BNC2: variants seen among roughly 807,000 people sequenced by gnomAD.
The protein encoded by BNC2 is zinc finger protein basonuclin-2.
BNC2 carries 20 observed loss-of-function variants against 76.3 expected under a neutral mutation model. The observed-to-expected ratio is 0.26, with a 90% CI of 0.18 to 0.38. BNC2 has a LOEUF of 0.38. Among genes scored for constraint, BNC2 ranks in the 10% least tolerant of loss-of-function variants. The pLI is 1.00. For missense variants in BNC2, 1,382 were observed against 1,399.8 expected (o/e 0.99, Z 0.20); for synonymous variants, 582 against 514.8 (o/e 1.13, Z -1.77).
At chr9:16,532,287 T>C (rs1211602055) in intron 5 of BNC2, among the ~76,000 whole-genome samples, 1 of 152,054 alleles carries the variant, frequency 6.6e-6, no homozygotes, top group East Asian at 1.9e-4. Flanking sequence ...GTAATGAAAA[T>C]ATTTATTTTC....
intron 2 of BNC2, among the ~76,000 whole-genome samples, chr9:16,732,903 A>G (rs1292606941): frequency 6.6e-6 from 1 of 152,222 alleles, no homozygotes; most frequent in East Asian, 1.9e-4. Flanking sequence ...AAAACTGGCT[A>G]TCCAATCTTA....
At chr9:16,758,781 T>C (rs930659498) in intron 1 of BNC2, among the ~76,000 whole-genome samples, 2 of 152,218 alleles carry the variant, frequency 1.3e-5, no homozygotes, top group Admixed American at 1.3e-4. Context: ...AATTATCTGG[T>C]ATTTAAAAAT....
Position 16,645,279 on chromosome 9 carries a change from A to G in BNC2, c.331-62194T>C, listed in dbSNP as rs557065137. Among the ~76,000 whole-genome samples, 6 of 152,340 alleles carry G rather than the reference A, an allele frequency of 3.9e-5. No homozygotes were observed. The South Asian group carries it at 1.2e-3, about 32-fold the overall frequency. ...GGAAAAGTTAAAGAATCTTGTCTCA[A>G]AATCTTCACCTTCAAAATGTGCACA... is the stretch of plus-strand genomic sequence containing the variant. On this transcript the variant is annotated intron_variant, in intron 3 of 6. Coordinates refer to ENST00000380672, the MANE Select transcript of BNC2 (RefSeq NM_017637.6).
Position 16,565,814 on chromosome 9 carries a change from A to T in BNC2, c.434-13049T>A, listed in dbSNP as rs78315610. Among the ~76,000 whole-genome samples, 1,507 of 152,108 alleles carry T rather than the reference A, an allele frequency of 9.9e-3. 76 individuals are homozygous for T. In the East Asian group the frequency reaches 0.13, roughly 13 times the overall value. ...AAGAATGAGCCCCATCTCAAAAAAA[A>T]AAAAAGCAACAAACAAATAAACAAA... On this transcript the variant is annotated intron_variant, in intron 4 of 6. Transcript: ENST00000380672.
intron 5 of BNC2, among the ~76,000 whole-genome samples, chr9:16,509,501 A>C (rs982039819): frequency 6.6e-6 from 1 of 152,134 alleles, no homozygotes; most frequent in African/African-American, 2.4e-5. Context: ...CCACGTCACA[A>C]GGTTTTCTAA....
chr9:16,526,746 A>C (rs1345520587), intron 5 of BNC2, among the ~76,000 whole-genome samples: 1 of 152,192 alleles, frequency 6.6e-6, no homozygotes, highest in East Asian at 1.9e-4. Flanking sequence ...AGTTCATAAA[A>C]AATAAATTCT....
intron 1 of BNC2, among the ~76,000 whole-genome samples, chr9:16,740,149 G>C (rs1440866535): frequency 6.6e-6 from 1 of 152,236 alleles, no homozygotes; most frequent in Admixed American, 6.5e-5. Flanking sequence ...ACAGTTGACA[G>C]AAGATAGGAT....
intron 3 of BNC2, among the ~76,000 whole-genome samples, chr9:16,706,038 A>G (rs1160093349): frequency 6.6e-6 from 1 of 152,272 alleles, no homozygotes; most frequent in Non-Finnish European, 1.5e-5. Context: ...AACTATTTTA[A>G]AAAGTATGTA....
chr9:16,545,146 G>A (rs1282098421), intron 5 of BNC2, among the ~76,000 whole-genome samples: 4 of 152,178 alleles, frequency 2.6e-5, no homozygotes, highest in Non-Finnish European at 5.9e-5. Flanking sequence ...ACGTGTGTAT[G>A]TGTATGTATT....
intron 6 of BNC2, among the ~76,000 whole-genome samples, chr9:16,432,764 C>A (rs79416019): frequency 3.0e-4 from 45 of 152,212 alleles, no homozygotes; most frequent in African/African-American, 1.1e-3. Context: ...GGATTAAAGA[C>A]AAAGGAGGGT....
At chr9:16,696,878 T>C (rs887074486) in intron 3 of BNC2, among the ~76,000 whole-genome samples, 1 of 152,350 alleles carries the variant, frequency 6.6e-6, no homozygotes, top group East Asian at 1.9e-4. Context: ...TTTTCAAGTA[T>C]AATTTAGCCT....
chr9:16,460,797 T>G (rs1272783203), intron 5 of BNC2, among the ~76,000 whole-genome samples: 2 of 152,036 alleles, frequency 1.3e-5, no homozygotes, highest in African/African-American at 4.8e-5. Flanking sequence ...AGCGTTATTA[T>G]CAGGATTGAA....
At chr9:16,841,512 A>T (rs1818825286) in intron 1 of BNC2, among the ~76,000 whole-genome samples, 1 of 138,892 alleles carries the variant, frequency 7.2e-6, no homozygotes, top group Non-Finnish European at 1.5e-5. Flanking sequence ...GTCCATAATC[A>T]AACCATCATA....
At chr9:16,810,786 TCCATGGGAATGTAGACAAGGTGTTG>T (rs1818028201) in intron 1 of BNC2, among the ~76,000 whole-genome samples, 1 of 152,184 alleles carries the variant, frequency 6.6e-6, no homozygotes, top group Non-Finnish European at 1.5e-5. Flanking sequence ...ACCTCAGAGT[TCCATGGGAATGTAGACAAGGTGTTG>T]CTAGACCCTC....
At chr9:16,549,359 A>G (rs1181494661) in intron 5 of BNC2, among the ~76,000 whole-genome samples, 1 of 152,206 alleles carries the variant, frequency 6.6e-6, no homozygotes, top group Non-Finnish European at 1.5e-5. Context: ...AGCCACCCTA[A>G]CCTGCCTTGA....
Position 16,600,616 on chromosome 9 carries a change from A to G in BNC2, c.331-17531T>C, listed in dbSNP as rs142885643. Among the ~76,000 whole-genome samples, 45 of 152,286 alleles carry G rather than the reference A, an allele frequency of 3.0e-4. No homozygotes were observed. In the East Asian group the frequency reaches 8.3e-3, roughly 28 times the overall value. On this transcript the variant is annotated intron_variant, in intron 3 of 6. Transcript: ENST00000380672. ...TTCTAGCTGAAAAACATCATTTTTAATGTTTACCTATATTTAATATTTCAG... is the reference window on the plus strand; with the variant it reads ...TTCTAGCTGAAAAACATCATTTTTAGTGTTTACCTATATTTAATATTTCAG...
chr9:16,765,251 A>C (rs1825659624), intron 1 of BNC2, among the ~76,000 whole-genome samples: 2 of 152,216 alleles, frequency 1.3e-5, no homozygotes, highest in South Asian at 4.1e-4. Context: ...TTCTGGGGTC[A>C]CAATGTAATT....
chr9:16,476,469 C>T (rs1821929802), intron 5 of BNC2, among the ~76,000 whole-genome samples: 1 of 151,964 alleles, frequency 6.6e-6, no homozygotes, highest in South Asian at 2.1e-4. Context: ...TGCAACTCAT[C>T]CTTCAGACCT....
At chr9:16,659,466 T>C (rs1269367199) in intron 3 of BNC2, among the ~76,000 whole-genome samples, 3 of 151,876 alleles carry the variant, frequency 2.0e-5, no homozygotes, top group African/African-American at 7.2e-5. Flanking sequence ...AAATTAGCTG[T>C]GTGTGGTGGT....
Sources: gnomAD v4.1 joint callset for allele counts (sites outside exome capture counted in the v4.1 genomes callset) on GRCh38, gnomAD v4.1.1 for gene constraint, MANE v1.5 for transcripts, NCBI Gene and HGNC (gene_info 2026-07-23, HGNC 2026-07-21) for gene names.